AP1B1: variants seen among roughly 807,000 people sequenced by gnomAD.
The protein encoded by AP1B1 is adaptor related protein complex 1 subunit beta 1, also known as AP-1 complex subunit beta-1.
In AP1B1, 36 loss-of-function variants were observed where a neutral mutation model predicts 104.3. That is an observed-to-expected ratio of 0.35 (90% CI 0.26 to 0.46). The LOEUF is 0.46. AP1B1 is among the 20% of genes least tolerant of loss of function. The pLI, the probability that AP1B1 is intolerant of heterozygous loss-of-function variation, is 1.00. For synonymous variants in AP1B1, 504 were observed against 517.5 expected (o/e 0.97, Z 0.35); for missense variants, 901 against 1,247.9 (o/e 0.72, Z 4.19).
Position 29,338,998 on chromosome 22 carries a change from G to C in AP1B1, c.2155C>G (p.Pro719Ala). ...GAAGACAAGTGACTTACTGCTTTGGGGGCCACATATGATCCTGACAGGGTG... is the reference window on the plus strand; with the variant it reads ...GAAGACAAGTGACTTACTGCTTTGGCGGCCACATATGATCCTGACAGGGTG... ...VGTLSGSYVA[P>A]KAVWLPAMKA... is the part of the protein sequence containing the mutation. The change falls in exon 16 of 23, where the codon CCC becomes GCC. Residue 719 changes from proline to alanine, a missense_variant. Pro to Ala is a conservative substitution (Grantham distance 27, BLOSUM62 -1). Around this residue, in one of 3 missense-constraint regions of AP1B1, gnomAD observed 424 missense variants for 494.0 expected, o/e 0.86. Transcript: ENST00000357586. 6.2e-7 allele frequency: 1 copy of C among 1,614,116 alleles called. No individual in the cohort carries two copies. The highest frequency in any genetic ancestry group is 8.5e-7 in the Non-Finnish European group (1 of 1,180,014).
chr22:29,383,361 A>G (rs1280964107), intron 1 of AP1B1, among the ~76,000 whole-genome samples: 1 of 152,138 alleles, frequency 6.6e-6, no homozygotes, highest in Non-Finnish European at 1.5e-5. Context: ...CTATTCCTCT[A>G]TGGAACTCAG....
At chr22:29,375,616 A>G (rs1467027025) in intron 1 of AP1B1, among the ~76,000 whole-genome samples, 2 of 152,320 alleles carry the variant, frequency 1.3e-5, no homozygotes, top group African/African-American at 4.8e-5. Context: ...CCAGACTGGG[A>G]ACATAAGGCT....
chr22:29,381,926 C>T (rs572384403), intron 1 of AP1B1, among the ~76,000 whole-genome samples: 2 of 151,868 alleles, frequency 1.3e-5, no homozygotes, highest in South Asian at 4.2e-4. Flanking sequence ...CCTCTCCTAA[C>T]TGCTCCAATT....
At chr22:29,354,958 AG>A (rs1269345833) in intron 6 of AP1B1, 87 bp from the exon 7 acceptor site, 2 of 1,220,262 alleles carry the variant, frequency 1.6e-6, no homozygotes, top group African/African-American at 3.0e-5. Flanking sequence ...TGTCCAGGCC[AG>A]GCGTGATAGT....
chr22:29,364,390 G>A (rs2062098636), intron 2 of AP1B1, among the ~76,000 whole-genome samples: 1 of 152,112 alleles, frequency 6.6e-6, no homozygotes, highest in Non-Finnish European at 1.5e-5. Context: ...AGGTTAGGAG[G>A]GCAGATGTCA....
chr22:29,356,453 A>T lies in AP1B1; in HGVS notation c.689T>A (p.Met230Lys). 2.5e-6 allele frequency: 4 copies of T among 1,614,176 alleles called. No homozygotes were observed. Among genetic ancestry groups the T allele is most frequent in the Non-Finnish European group, 3.4e-6 (4 of 1,180,002 alleles). The change falls in exon 6 of 23, where the codon ATG becomes AAG. Residue 230 changes from methionine to lysine, a missense_variant. Coordinates refer to ENST00000357586, the MANE Select transcript of AP1B1 (RefSeq NM_001127.4). ...CTGGGCCTCGCGGTCGTCCTTGGGC[A>T]TATAGTTGGCGAGGCAGTCCAGGAT... ...IFILDCLANY[M>K]PKDDREAQSI...
chr22:29,379,702 C>A (rs1285658865), intron 1 of AP1B1, among the ~76,000 whole-genome samples: 1 of 152,166 alleles, frequency 6.6e-6, no homozygotes, highest in Non-Finnish European at 1.5e-5. Context: ...AAGGGAAGTT[C>A]TCTTAGATGA....
At chr22:29,349,477 CTCCTAAG>C in intron 10 of AP1B1, 94 bp from the exon 11 acceptor site, 1 of 1,355,686 alleles carries the variant, frequency 7.4e-7, no homozygotes, top group Non-Finnish European at 1.0e-6. Context: ...GGGGACCTGC[CTCCTAAG>C]ACCCCAAGGT....
intron 7 of AP1B1, 54 bp downstream of exon 7, chr22:29,354,596 C>G: frequency 1.3e-6 from 2 of 1,543,832 alleles, no homozygotes; most frequent in Non-Finnish European, 1.8e-6. Flanking sequence ...CCATTCCCAG[C>G]AGAAGAGGCT....
At chr22:29,336,578 G>A (rs2061640980) in intron 16 of AP1B1, among the ~76,000 whole-genome samples, 1 of 152,140 alleles carries the variant, frequency 6.6e-6, no homozygotes, top group Admixed American at 6.5e-5. Context: ...GAGGCAGGTG[G>A]ATCATCTGAG....
intron 1 of AP1B1, among the ~76,000 whole-genome samples, chr22:29,385,144 G>C (rs2062501700): frequency 6.6e-6 from 1 of 152,184 alleles, no homozygotes; most frequent in Non-Finnish European, 1.5e-5. Flanking sequence ...CAGCACTTTG[G>C]GAGGCCCAGA....
At chr22:29,346,060 T>C (rs1429146880) in intron 11 of AP1B1, among the ~76,000 whole-genome samples, 1 of 151,930 alleles carries the variant, frequency 6.6e-6, no homozygotes, top group African/African-American at 2.4e-5. Context: ...CTGAATTACA[T>C]CACACCCCCA....
At chr22:29,342,736 A>C (rs1318883231) in intron 11 of AP1B1, among the ~76,000 whole-genome samples, 1 of 151,998 alleles carries the variant, frequency 6.6e-6, no homozygotes, top group African/African-American at 2.4e-5. Context: ...GCTTCTTATC[A>C]GGACCATCTG....
rs2061511993 is a variant in AP1B1, at chr22:29,328,704, C to G, written c.*117G>C. ...GGGTTCTGCCATCAGGACCAGGGAG[C>G]CCACTGAGTGGCCTGGAGCCCCGCC... is the stretch of plus-strand genomic sequence containing the variant. On this transcript the variant is annotated 3_prime_UTR_variant, in exon 23 of 23. Transcript: ENST00000357586. The surrounding 1 kb of genome is among the most constrained non-coding windows in gnomAD (Gnocchi z 4.1). The G allele has an allele frequency of 7.8e-7, 1 of 1,287,960 alleles. No homozygotes were observed. The highest frequency in any genetic ancestry group is 2.2e-5 in the Admixed American group (1 of 45,542). 79.8% of individuals were successfully genotyped at this position (1,287,960 alleles called of 1,614,324 possible).
intron 16 of AP1B1, among the ~76,000 whole-genome samples, chr22:29,338,784 G>A (rs561496282): frequency 6.6e-6 from 1 of 152,276 alleles, no homozygotes; most frequent in African/African-American, 2.4e-5. Flanking sequence ...TTCAGCTACT[G>A]AGGTCCTGCG....
At chr22:29,371,188 T>C (rs2062229880) in intron 1 of AP1B1, among the ~76,000 whole-genome samples, 1 of 152,234 alleles carries the variant, frequency 6.6e-6, no homozygotes, top group African/African-American at 2.4e-5. Context: ...CTAATGCTGG[T>C]ACCTGGTCTT....
At chr22:29,357,659 T>A (rs1025422623) in intron 5 of AP1B1, among the ~76,000 whole-genome samples, 3 of 149,992 alleles carry the variant, frequency 2.0e-5, no homozygotes, top group Admixed American at 2.0e-4. Context: ...TAATCCTGTA[T>A]GAGCCACTGC....
chr22:29,377,495 A>T (rs2062364287), intron 1 of AP1B1, among the ~76,000 whole-genome samples: 2 of 152,156 alleles, frequency 1.3e-5, no homozygotes, highest in African/African-American at 4.8e-5. Flanking sequence ...CATGTGACAG[A>T]CACTATGTAA....
In AP1B1 at chr22:29,359,800, C is replaced by A. The variant is rs531408659; in HGVS notation, c.279+24G>T. The A allele has an allele frequency of 1.2e-5, 20 of 1,604,920 alleles. 1 individual carries two copies. The Middle Eastern group carries it at 6.6e-4, about 53-fold the overall frequency. On this transcript the variant is annotated intron_variant, in intron 4 of 22. Transcript: ENST00000357586. ...CAGAGCCTTAAGCACCCAATGTCCC[C>A]ACGCCCACCAAGCGTCTGCTCACCT...
Sources: allele counts gnomAD v4.1 joint callset (sites outside exome capture counted in the v4.1 genomes callset), GRCh38; gene constraint gnomAD v4.1.1; regional missense constraint gnomAD v4.1.1; non-coding constraint Gnocchi (gnomAD v3.1); transcripts MANE v1.5; gene names NCBI Gene and HGNC (gene_info 2026-07-23, HGNC 2026-07-21).